GPI: variants seen among roughly 807,000 people sequenced by gnomAD.
GPI encodes the protein glucose-6-phosphate isomerase, also known as D-hexose-6-phosphate anomerase.
Under a neutral mutation model 75.8 loss-of-function variants are expected in GPI, and 56 were observed. That is an observed-to-expected ratio of 0.74 (90% CI 0.60 to 0.92). The LOEUF (loss-of-function observed/expected upper bound fraction) is 0.92. Ranked by LOEUF, GPI falls within the 40% of genes least tolerant of loss-of-function variation. GPI has a pLI of 0.00. For synonymous variants in GPI, 288 were observed against 285.4 expected, an observed-to-expected ratio of 1.01 and a Z score of -0.09; for missense variants, 638 against 741.0, an observed-to-expected ratio of 0.86 and a Z score of 1.61.
intron 4 of GPI, among the ~76,000 whole-genome samples, chr19:34,376,912 T>C (rs1020179513): frequency 6.6e-6 from 1 of 151,924 alleles, no homozygotes; most frequent in African/African-American, 2.4e-5. Context: ...TAGCTAGGCA[T>C]GCTGGTGGCG....
chr19:34,368,474 C>A, intron 3 of GPI, 109 bp from the exon 4 acceptor site: 2 of 1,198,172 alleles, frequency 1.7e-6, no homozygotes, highest in Non-Finnish European at 2.5e-6. Context: ...GACCTCAGGG[C>A]CTGCCTGTCT....
At chr19:34,362,696 C>A (rs188354512), upstream of GPI, among the ~76,000 whole-genome samples, 2 of 152,286 alleles carry the variant, frequency 1.3e-5, no homozygotes, top group African/African-American at 4.8e-5. Flanking sequence ...GGAACCTGGG[C>A]ACTGTGAGAT....
chr19:34,360,887 C>T (rs1283177200), upstream of GPI, among the ~76,000 whole-genome samples: 1 of 151,614 alleles, frequency 6.6e-6, no homozygotes, highest in African/African-American at 2.4e-5. Flanking sequence ...AAGTGATTCT[C>T]CTGCCTCAGC....
At chr19:34,379,770 G>T (rs866435358) in intron 8 of GPI, 5 of 666,978 alleles carry the variant, frequency 7.5e-6, no homozygotes, top group Middle Eastern at 7.8e-4. Flanking sequence ...GGGAGGCTTG[G>T]AGTCAGTGGG....
At chr19:34,381,167 G>C in intron 8 of GPI, 1 of 486,446 alleles carries the variant, frequency 2.1e-6, no homozygotes, top group Non-Finnish European at 3.8e-6. Flanking sequence ...GAGAGCTGTT[G>C]CAGAGCAGTG....
chr19:34,368,682 A>G lies in GPI; in HGVS notation c.382A>G (p.Lys128Glu). The change falls in exon 4 of 18, where the codon AAG (lysine) becomes GAG (glutamate). Residue 128 changes from lysine (K) to glutamate (E), a missense_variant. By Grantham distance (56) the Lys-to-Glu change is moderately conservative. Coordinates refer to ENST00000356487, the MANE Select transcript of GPI (RefSeq NM_000175.5). ...VMPEVNKVLD[K>E]MKSFCQRVRS... The stretch of plus-strand genomic sequence containing the variant: ...GCCAGAGGTCAACAAGGTTCTGGAC[A>G]AGATGAAGTCTTTCTGCCAGGTAAG... The G allele has an allele frequency of 1.2e-6, 2 of 1,614,242 alleles. No individual in the cohort carries two copies. Among genetic ancestry groups the G allele is most frequent in the Non-Finnish European group, 1.7e-6 (2 of 1,180,044 alleles).
chr19:34,394,985 A>G (rs556591746), intron 12 of GPI, among the ~76,000 whole-genome samples: 1 of 151,908 alleles, frequency 6.6e-6, no homozygotes, highest in South Asian at 2.1e-4. Flanking sequence ...AAGTGCTGGG[A>G]TTACAGGCAT....
intron 4 of GPI, among the ~76,000 whole-genome samples, chr19:34,374,141 TTTTTTTTTTTTTA>T (rs1055978520): frequency 6.7e-6 from 1 of 149,548 alleles, no homozygotes; most frequent in African/African-American, 2.5e-5. Flanking sequence ...TTTTTTTTTT[TTTTTTTTTTTTTA>T]AATTTTTTTA....
At chr19:34,389,087 G>A (rs1481759526) in intron 9 of GPI, among the ~76,000 whole-genome samples, 1 of 151,786 alleles carries the variant, frequency 6.6e-6, no homozygotes, top group African/African-American at 2.4e-5. Context: ...GCAAGACCCT[G>A]TCTCTTAAAA....
At chr19:34,375,669 T>A (rs2074524326) in intron 4 of GPI, among the ~76,000 whole-genome samples, 1 of 152,224 alleles carries the variant, frequency 6.6e-6, no homozygotes, top group African/African-American at 2.4e-5. Context: ...AGGCCTTAGT[T>A]CGCTGCCGCG....
At position 34,401,729 on chromosome 19, in the gene GPI, C is replaced by T. The variant is rs2075025272; in HGVS notation, c.*1693C>T. 6.6e-6 allele frequency: 1 copy of T among 152,196 alleles called. No individual in the cohort carries two copies. Among genetic ancestry groups the T allele is most frequent in the Non-Finnish European group, 1.5e-5 (1 of 68,042 alleles). The allele number at this position is 152,196 out of a possible 1,614,324, so 9.4% of individuals were successfully genotyped here. A position where few individuals can be genotyped will look rare whatever the true frequency, so the allele number is the denominator to read the frequency against. On this transcript the variant is annotated 3_prime_UTR_variant, in exon 18 of 18. Coordinates refer to ENST00000356487, the MANE Select transcript of GPI (RefSeq NM_000175.5). ...TCATAGCTGACTGAAGCCTCAAATT[C>T]CCAGGCTAAGGTGATCTTCTCACCT...
chr19:34,365,031 G>A (rs893892354), upstream of GPI: 1 of 1,523,148 alleles, frequency 6.6e-7, no homozygotes, highest in Non-Finnish European at 8.8e-7. Context: ...TAGGGAGAGA[G>A]GAGCTGAGGC....
intron 1 of GPI, chr19:34,365,613 T>A: frequency 1.3e-6 from 1 of 754,894 alleles, no homozygotes; most frequent in Non-Finnish European, 2.3e-6. Context: ...CGGGTCTGCT[T>A]CGTTACGAGG....
chr19:34,383,751 G>A (rs947592865), intron 9 of GPI, among the ~76,000 whole-genome samples: 21 of 152,184 alleles, frequency 1.4e-4, no homozygotes, highest in African/African-American at 5.1e-4. Flanking sequence ...TGTGCTGGGT[G>A]GGTGCGGTCT....
chr19:34,395,235 G>A (rs1487043743), intron 12 of GPI, among the ~76,000 whole-genome samples: 1 of 152,082 alleles, frequency 6.6e-6, no homozygotes. Flanking sequence ...AGCCCTCAAA[G>A]GCTGTACTCT....
At chr19:34,380,888 C>CACCCACTGTGGGG in intron 8 of GPI, 2 of 206,702 alleles carry the variant, frequency 9.7e-6, no homozygotes, top group Admixed American at 1.1e-4. Context: ...CTGCCTGCAA[C>CACCCACTGTGGGG]TGACTGGTCA....
chr19:34,381,492 C>A lies in GPI; in HGVS notation c.777C>A (p.Asp259Glu). The A allele has an allele frequency of 6.2e-7, 1 of 1,607,908 alleles. No individual in the cohort carries two copies. The highest frequency in any genetic ancestry group is 8.5e-7 in the Non-Finnish European group (1 of 1,174,568). Residue 259 changes from aspartate to glutamate, a missense_variant, in exon 9 of 18, where the codon GAC (aspartate) becomes GAA (glutamate). Asp to Glu is a conservative substitution (Grantham distance 45). Coordinates refer to ENST00000356487, the MANE Select transcript of GPI (RefSeq NM_000175.5). ...CCAAAGTGAAGGAGTTTGGAATTGA[C>A]CCTCAAAACATGTTCGAGTTCTGGG... The part of the protein sequence containing the change: ...NTTKVKEFGI[D>E]PQNMFEFWDW...
At chr19:34,366,546 C>T (rs1407961293) in intron 2 of GPI, 111 bp downstream of exon 2, 1 of 814,116 alleles carries the variant, frequency 1.2e-6, no homozygotes. Flanking sequence ...TCTCATTAGA[C>T]CTCAGTCACC....
In GPI at chr19:34,366,964, T is replaced by C. The variant is rs559994261; in HGVS notation, c.282+113T>C. On this transcript the variant is annotated intron_variant, in intron 3 of 17. Coordinates refer to ENST00000356487, the MANE Select transcript of GPI (RefSeq NM_000175.5). ...CCCTTCTCTTGGGCAATGCTTTTGC[T>C]TAATGAGGGGCCTGAAGGCCTTTTT... is the stretch of plus-strand genomic sequence containing the variant. 18 of 858,776 alleles carry C rather than the reference T, an allele frequency of 2.1e-5. No individual in the cohort carries two copies. The African/African-American group carries it at 3.0e-4, about 14-fold the overall frequency. 53.2% of individuals were successfully genotyped at this position (858,776 alleles called of 1,614,324 possible). A position where few individuals can be genotyped will look rare whatever the true frequency, so the allele number is the denominator to read the frequency against.
Sources: allele counts gnomAD v4.1 joint callset (sites outside exome capture counted in the v4.1 genomes callset), GRCh38; gene constraint gnomAD v4.1.1; transcripts MANE v1.5; gene names NCBI Gene and HGNC (gene_info 2026-07-23, HGNC 2026-07-21).